LRP1B: variants seen among roughly 807,000 people sequenced by gnomAD.
LRP1B encodes LDL receptor related protein 1B.
In LRP1B, 217 loss-of-function variants were observed where a neutral mutation model predicts 556.6. The ratio of observed to expected loss-of-function variants is 0.39; its 90% CI spans 0.35 to 0.44. The LOEUF (loss-of-function observed/expected upper bound fraction) is 0.44. Ranked by LOEUF, LRP1B falls within the 20% of genes least tolerant of loss-of-function variation. The probability of loss-of-function intolerance (pLI) is 1.00; values close to 1 mark genes in which losing one functional copy is unlikely to be tolerated. For synonymous variants in LRP1B, 2,047 were observed against 1,865.8 expected (o/e 1.10, Z -2.50); for missense variants, 5,053 against 5,620.8 (o/e 0.90, Z 3.23).
chr2:141,089,203 G>A (rs1463914857), intron 7 of LRP1B, among the ~76,000 whole-genome samples: 1 of 152,190 alleles, frequency 6.6e-6, no homozygotes, highest in African/African-American at 2.4e-5. Context: ...TTCAGGCACA[G>A]CGGGCTCTTA....
At chr2:141,226,062 C>A (rs1276223822) in intron 6 of LRP1B, among the ~76,000 whole-genome samples, 1 of 151,848 alleles carries the variant, frequency 6.6e-6, no homozygotes, top group Non-Finnish European at 1.5e-5. Context: ...GACCCAAATG[C>A]AAACCTACCT....
At chr2:141,084,595 A>G (rs1700001956) in intron 7 of LRP1B, among the ~76,000 whole-genome samples, 1 of 151,230 alleles carries the variant, frequency 6.6e-6, no homozygotes, top group African/African-American at 2.4e-5. Flanking sequence ...AAATGTACCT[A>G]TCTTTATTTC....
At chr2:140,628,354 C>G (rs1280102847) in intron 41 of LRP1B, among the ~76,000 whole-genome samples, 1 of 151,902 alleles carries the variant, frequency 6.6e-6, no homozygotes, top group Admixed American at 6.6e-5. Context: ...CACGTGAAAC[C>G]CCGTCTCCAA....
intron 1 of LRP1B, among the ~76,000 whole-genome samples, chr2:142,009,449 C>T (rs551821009): frequency 6.6e-6 from 1 of 152,246 alleles, no homozygotes; most frequent in Non-Finnish European, 1.5e-5. Flanking sequence ...ACTTCACATG[C>T]ATCCTGCCCT....
At chr2:141,698,969 G>A (rs1420861365) in intron 2 of LRP1B, among the ~76,000 whole-genome samples, 1 of 151,800 alleles carries the variant, frequency 6.6e-6, no homozygotes, top group African/African-American at 2.4e-5. Flanking sequence ...TGGAATTGGA[G>A]GATGTGTTAA....
At chr2:140,521,420 G>A (rs1449013630) in intron 49 of LRP1B, among the ~76,000 whole-genome samples, 1 of 151,986 alleles carries the variant, frequency 6.6e-6, no homozygotes, top group Non-Finnish European at 1.5e-5. Flanking sequence ...GAAAATAAAT[G>A]CCAGTTAAGA....
chr2:140,324,197 C>T (rs1680326637), intron 80 of LRP1B, 131 bp from the exon 81 acceptor site: 3 of 527,350 alleles, frequency 5.7e-6, no homozygotes, highest in Non-Finnish European at 6.8e-6. Context: ...GGAATATTTA[C>T]AATATTAGCT....
rs775637968 is a variant in LRP1B at position 141,019,935 on chromosome 2, C to G, written c.1957G>C (p.Asp653His). The G allele has an allele frequency of 2.5e-6, 4 of 1,594,986 alleles. No homozygotes were observed. In the East Asian group the frequency reaches 9.0e-5, roughly 36 times the overall value. The change falls in exon 12 of 91, where the codon GAT becomes CAT. Residue 653 changes from aspartate (D) to histidine (H), a missense_variant. Physicochemically the swap from Asp to His is moderately conservative, Grantham distance 81. This residue lies in a region of LRP1B where 3,619 missense variants were observed against 3,931.9 expected (regional missense o/e 0.92). Transcript: ENST00000389484. ...AATATTGCATACCCATTAACTGGAT[C>G]CACCACAATTCCTCTGGGATGAGAC... ...EMSHPRGIVV[D>H]PVNGWMYWTD... is the part of the protein sequence containing the mutation.
intron 3 of LRP1B, among the ~76,000 whole-genome samples, chr2:141,398,116 C>G (rs1005117282): frequency 6.6e-6 from 1 of 151,992 alleles, no homozygotes; most frequent in South Asian, 2.1e-4. Context: ...CACAAATAAA[C>G]ATATGCATCC....
intron 1 of LRP1B, among the ~76,000 whole-genome samples, chr2:142,079,474 T>C (rs1418280103): frequency 6.6e-6 from 1 of 150,614 alleles, no homozygotes; most frequent in South Asian, 2.1e-4. Flanking sequence ...TTTTCATACA[T>C]CCAATATTTT....
rs76474019 is a variant in LRP1B at position 141,047,516 on chromosome 2, C to A, written c.1789+1470G>T. On this transcript the variant is annotated intron_variant, in intron 11 of 90. Transcript: ENST00000389484. Reference sequence around the variant, plus strand: ...TATCTCTCTGCTTTTATTTTCTCATCTTTTCTCATCTCAATAAAGTTCTGA... The same window carrying A: ...TATCTCTCTGCTTTTATTTTCTCATATTTTCTCATCTCAATAAAGTTCTGA... Among the ~76,000 whole-genome samples, 582 of 152,198 alleles carry A rather than the reference C, an allele frequency of 3.8e-3. 4 individuals are homozygous for A. Among genetic ancestry groups the A allele is most frequent in the African/African-American group, 0.013 (558 of 41,548 alleles).
chr2:140,501,216 C>T (rs970818019), intron 55 of LRP1B, among the ~76,000 whole-genome samples: 8 of 151,844 alleles, frequency 5.3e-5, no homozygotes, highest in Non-Finnish European at 1.2e-4. Flanking sequence ...CCTAATAATT[C>T]ATAGTTTATG....
chr2:141,727,735 T>C (rs1375691896), intron 2 of LRP1B, among the ~76,000 whole-genome samples: 5 of 152,248 alleles, frequency 3.3e-5, no homozygotes, highest in African/African-American at 9.6e-5. Context: ...TCATGAGAGT[T>C]CTGGGAAAGG....
intron 3 of LRP1B, among the ~76,000 whole-genome samples, chr2:141,344,870 C>T (rs1688189651): frequency 6.6e-6 from 1 of 152,108 alleles, no homozygotes; most frequent in East Asian, 1.9e-4. Context: ...AATGCCCTTC[C>T]CCCTCAAGAT....
At chr2:140,647,380 C>G (rs1397196953) in intron 41 of LRP1B, among the ~76,000 whole-genome samples, 1 of 152,116 alleles carries the variant, frequency 6.6e-6, no homozygotes, top group African/African-American at 2.4e-5. Flanking sequence ...TTAATAACAT[C>G]TATGTGTCAG....
At chr2:141,768,735 A>C (rs1252171914) in intron 2 of LRP1B, among the ~76,000 whole-genome samples, 2 of 152,102 alleles carry the variant, frequency 1.3e-5, no homozygotes, top group Non-Finnish European at 2.9e-5. Flanking sequence ...TTAATTGAAA[A>C]TTAATTCTAA....
chr2:140,749,432 C>T (rs151318084), intron 35 of LRP1B, among the ~76,000 whole-genome samples: 166 of 152,046 alleles, frequency 1.1e-3, no homozygotes, highest in African/African-American at 3.7e-3. Flanking sequence ...CATTGTACAG[C>T]TGTAAAAAAT....
intron 25 of LRP1B, among the ~76,000 whole-genome samples, chr2:140,869,323 G>T (rs1405618956): frequency 6.6e-6 from 1 of 152,102 alleles, no homozygotes; most frequent in Non-Finnish European, 1.5e-5. Context: ...AACTGCAGGA[G>T]TGAAAGAGCT....
chr2:140,241,544 TAAAAG>T (rs1395419813), intron 87 of LRP1B, among the ~76,000 whole-genome samples: 3 of 150,722 alleles, frequency 2.0e-5, no homozygotes, highest in African/African-American at 4.9e-5. Flanking sequence ...TGCTAGAAAA[TAAAAG>T]GTTTCTTTTT....
Sources: gnomAD v4.1 joint callset for allele counts (sites outside exome capture counted in the v4.1 genomes callset) on GRCh38, gnomAD v4.1.1 for gene constraint, gnomAD v4.1.1 regional missense constraint, MANE v1.5 for transcripts, NCBI Gene and HGNC (gene_info 2026-07-23, HGNC 2026-07-21) for gene names.